CHCHD6: variants seen among roughly 807,000 people sequenced by gnomAD.
CHCHD6 encodes the protein coiled-coil-helix-coiled-coil-helix domain containing 6.
In CHCHD6, 28 loss-of-function variants were observed where a neutral mutation model predicts 32.3. That is an observed-to-expected ratio of 0.87 (90% CI 0.64 to 1.19). The LOEUF is 1.19. Ranked by LOEUF, CHCHD6 falls within the 50% of genes most tolerant of loss-of-function variation. The pLI is 0.00. For missense variants in CHCHD6, 333 were observed against 307.0 expected, an observed-to-expected ratio of 1.08 and a Z score of -0.63; for synonymous variants, 122 against 117.5, an observed-to-expected ratio of 1.04 and a Z score of -0.25.
chr3:126,934,336 C>T (rs2078447199), intron 6 of CHCHD6, among the ~76,000 whole-genome samples: 1 of 152,064 alleles, frequency 6.6e-6, no homozygotes, highest in Non-Finnish European at 1.5e-5. Context: ...CTTAAGCTAA[C>T]AAATGATTAC....
chr3:126,907,034 C>A (rs1226092405), intron 5 of CHCHD6, among the ~76,000 whole-genome samples: 2 of 152,140 alleles, frequency 1.3e-5, no homozygotes, highest in East Asian at 3.9e-4. Context: ...ATATGCCCAG[C>A]AGCAGCTGCT....
chr3:126,748,724 C>T (rs1936606839), intron 4 of CHCHD6, among the ~76,000 whole-genome samples: 1 of 152,138 alleles, frequency 6.6e-6, no homozygotes. Context: ...CTTTAAATGT[C>T]CCTTCTGTGA....
In CHCHD6 at chr3:126,939,378, A is replaced by G. The variant is rs575295679; in HGVS notation, c.567-18038A>G. Among the ~76,000 whole-genome samples the G allele has an allele frequency of 1.6e-4, 25 of 152,312 alleles. No homozygotes were observed. In the South Asian group the frequency reaches 5.0e-3, roughly 30 times the overall value. The stretch of plus-strand genomic sequence containing the variant: ...TGTTAAGCCACAACTTTCTCATCCT[A>G]TCCCTGTACAGTTGGTTATTTTTAA... On this transcript the variant is annotated intron_variant, in intron 6 of 7. Transcript: ENST00000290913.
At chr3:126,956,414 A>G (rs2078783823) in intron 6 of CHCHD6, among the ~76,000 whole-genome samples, 1 of 152,204 alleles carries the variant, frequency 6.6e-6, no homozygotes, top group Admixed American at 6.5e-5. Context: ...CCGCTCCTCC[A>G]CTGTCCAGCT....
intron 6 of CHCHD6, among the ~76,000 whole-genome samples, chr3:126,955,159 C>T (rs1442617289): frequency 6.6e-6 from 1 of 152,276 alleles, no homozygotes; most frequent in African/African-American, 2.4e-5. Context: ...CAACTAGACA[C>T]ACCCATGTCA....
intron 5 of CHCHD6, among the ~76,000 whole-genome samples, chr3:126,903,352 C>G (rs1446462678): frequency 1.3e-5 from 2 of 152,172 alleles, no homozygotes; most frequent in Non-Finnish European, 2.9e-5. Flanking sequence ...TGTCCCTTAA[C>G]CCTGGAATTC....
intron 4 of CHCHD6, among the ~76,000 whole-genome samples, chr3:126,834,053 CAAAAAAAAAAAAAA>C (rs55790919): frequency 6.7e-5 from 3 of 44,460 alleles, no homozygotes; most frequent in Non-Finnish European, 1.4e-4. Context: ...GACTCCGTCT[CAAAAAAAAAAAAAA>C]AAAAAAAAAA....
chr3:126,861,067 A>C (rs1576507989), intron 5 of CHCHD6, among the ~76,000 whole-genome samples: 1 of 152,298 alleles, frequency 6.6e-6, no homozygotes, highest in East Asian at 1.9e-4. Context: ...CATCTTTAAA[A>C]GGAAGACACT....
intron 5 of CHCHD6, among the ~76,000 whole-genome samples, chr3:126,913,473 G>C (rs2078125397): frequency 6.6e-6 from 1 of 151,950 alleles, no homozygotes; most frequent in Non-Finnish European, 1.5e-5. Context: ...GACCTCAGGT[G>C]ATCCACACAC....
intron 4 of CHCHD6, among the ~76,000 whole-genome samples, chr3:126,748,397 C>A (rs544875854): frequency 6.6e-6 from 1 of 152,138 alleles, no homozygotes; most frequent in Non-Finnish European, 1.5e-5. Flanking sequence ...GAATTCGAGA[C>A]CAGCCTGGGC....
chr3:126,896,209 G>A (rs541170318), intron 5 of CHCHD6, among the ~76,000 whole-genome samples: 7 of 152,282 alleles, frequency 4.6e-5, no homozygotes, highest in African/African-American at 9.6e-5. Context: ...GATAAAACAC[G>A]CAATTTCAAA....
chr3:126,796,591 A>G (rs990399169), intron 4 of CHCHD6, among the ~76,000 whole-genome samples: 4 of 152,146 alleles, frequency 2.6e-5, no homozygotes, highest in African/African-American at 9.7e-5. Context: ...ATCAGTGTAC[A>G]GTGGCTCCCA....
intron 4 of CHCHD6, among the ~76,000 whole-genome samples, chr3:126,834,452 TG>T (rs1940773196): frequency 6.6e-6 from 1 of 152,022 alleles, no homozygotes; most frequent in East Asian, 1.9e-4. Context: ...GGGAATTAAT[TG>T]GAAAGTTGTT....
In CHCHD6 at chr3:126,730,620, G is replaced by A; in HGVS notation, c.256G>A (p.Gly86Ser). 1.2e-6 allele frequency: 2 copies of A among 1,613,728 alleles called. No individual in the cohort carries two copies. The highest frequency in any genetic ancestry group is 1.7e-6 in the Non-Finnish European group (2 of 1,179,816). The change falls in exon 3 of 8, where the codon GGT becomes AGT. Residue 86 changes from glycine (G) to serine (S), a missense_variant. Transcript: ENST00000290913. ...CCAGCAGCCCTCAGGGATGAAGGAG[G>A]GTGTCAAGAGGTGAGCCCGAGAGCC... Reference protein sequence around the residue: ...GGQQPSGMKEGVKRYEQEHAA... With the variant: ...GGQQPSGMKESVKRYEQEHAA...
intron 4 of CHCHD6, among the ~76,000 whole-genome samples, chr3:126,773,602 CTTTTTTTTTTTT>C (rs769256372): frequency 6.7e-5 from 6 of 89,948 alleles, no homozygotes; most frequent in South Asian, 4.2e-4. Context: ...TTCTGCTTTT[CTTTTTTTTTTTT>C]TTTTTTTTTT....
At chr3:126,851,235 C>G (rs1941465901) in intron 4 of CHCHD6, among the ~76,000 whole-genome samples, 1 of 152,204 alleles carries the variant, frequency 6.6e-6, no homozygotes, top group African/African-American at 2.4e-5. Context: ...TTATTACAGA[C>G]CAACCTGCTG....
At chr3:126,722,093 A>C (rs1935327353) in intron 1 of CHCHD6, among the ~76,000 whole-genome samples, 1 of 152,228 alleles carries the variant, frequency 6.6e-6, no homozygotes, top group African/African-American at 2.4e-5. Flanking sequence ...TGAGAAGTGG[A>C]ATTGCCATAT....
Position 126,935,088 on chromosome 3 carries a change from C to T in CHCHD6, c.566+20338C>T, listed in dbSNP as rs1468815736. Reference sequence around the variant, plus strand: ...TGGAAAGAATATCTATCTTGCCATTCGTTCCAGGGTTTACTTGTGAGCACG... The same window carrying T: ...TGGAAAGAATATCTATCTTGCCATTTGTTCCAGGGTTTACTTGTGAGCACG... On this transcript the variant is annotated intron_variant, in intron 6 of 7. Transcript: ENST00000290913. 30 of 983,246 alleles carry T rather than the reference C, an allele frequency of 3.1e-5. No individual in the cohort carries two copies. In the South Asian group the frequency reaches 7.5e-4, roughly 25 times the overall value. The allele number at this position is 983,246 out of a possible 1,614,324, so 60.9% of individuals were successfully genotyped here.
chr3:126,959,663 C>T (rs1351108108), intron 7 of CHCHD6, among the ~76,000 whole-genome samples: 1 of 152,186 alleles, frequency 6.6e-6, no homozygotes, highest in Non-Finnish European at 1.5e-5. Context: ...GTAGGTGATG[C>T]CTAGGCCCAG....
Sources: gnomAD v4.1 joint callset for allele counts (sites outside exome capture counted in the v4.1 genomes callset) on GRCh38, gnomAD v4.1.1 for gene constraint, MANE v1.5 for transcripts, NCBI Gene and HGNC (gene_info 2026-07-23, HGNC 2026-07-21) for gene names.